ANK2: variants seen among roughly 807,000 people sequenced by gnomAD.
ANK2 encodes the protein ankyrin-2.
ANK2 carries 83 observed loss-of-function variants against 360.5 expected under a neutral mutation model. That is an observed-to-expected ratio of 0.23 (90% CI 0.19 to 0.28). The LOEUF (loss-of-function observed/expected upper bound fraction) is 0.28, where lower values mean the gene tolerates loss of function less well. Ranked by LOEUF, ANK2 falls within the 10% of genes least tolerant of loss-of-function variation. The pLI is 1.00. For synonymous variants in ANK2, 1,740 were observed against 1,759.5 expected (o/e 0.99, Z 0.28); for missense variants, 4,201 against 4,795.7 (o/e 0.88, Z 3.66).
intron 1 of ANK2, among the ~76,000 whole-genome samples, chr4:113,104,496 C>CT (rs2093368003): frequency 6.6e-6 from 1 of 152,114 alleles, no homozygotes; most frequent in South Asian, 2.1e-4. Context: ...GGCAGATCAC[C>CT]TGAGATCAGG....
At chr4:112,890,824 C>A (rs960102298) in intron 1 of ANK2, among the ~76,000 whole-genome samples, 1 of 152,066 alleles carries the variant, frequency 6.6e-6, no homozygotes, top group Non-Finnish European at 1.5e-5. Context: ...GCCTCAGCCT[C>A]CCAAAATGCT....
intron 22 of ANK2, among the ~76,000 whole-genome samples, chr4:113,296,851 TC>T (rs1327362440): frequency 3.9e-5 from 6 of 152,302 alleles, no homozygotes; most frequent in African/African-American, 1.4e-4. Flanking sequence ...CGCTAATTGA[TC>T]AACCATCATC....
chr4:112,879,361 C>T (rs2076100639), intron 1 of ANK2, among the ~76,000 whole-genome samples: 1 of 152,168 alleles, frequency 6.6e-6, no homozygotes, highest in Admixed American at 6.5e-5. Context: ...ATGACCTGCA[C>T]ACAGCTCTAT....
At chr4:112,711,776 T>TG in the ANK2 span, among the ~76,000 whole-genome samples, 4 of 151,376 alleles carry the variant, frequency 2.6e-5, no homozygotes, top group Admixed American at 2.6e-4. Flanking sequence ...GCCGAGATCA[T>TG]GCCATTGCAC....
rs150536846 is a variant in ANK2 at position 113,156,371 on chromosome 4, C to CTTTTTTTTTTTTTTTTT, written c.85-18035_85-18034insTTTTTTTTTTTTTTTTT. ...CGTATAGAGTATATGTAGAAAAATT[C>CTTTTTTTTTTTTTTTTT]TTTTTTTTTTGTTTTTGAGACAGAG... On this transcript the variant is annotated intron_variant, in intron 1 of 45. Transcript: ENST00000357077. Among the ~76,000 whole-genome samples the CTTTTTTTTTTTTTTTTT allele has an allele frequency of 4.8e-3, 611 of 128,234 alleles. 48 individuals carry two copies. Among genetic ancestry groups the CTTTTTTTTTTTTTTTTT allele is most frequent in the East Asian group, 6.4e-3 (29 of 4,544 alleles). The allele number at this position is 128,234 out of a possible 152,430, so 84.1% of individuals were successfully genotyped here.
intron 45 of ANK2, chr4:113,375,057 T>G: frequency 2.2e-6 from 1 of 456,864 alleles, no homozygotes; most frequent in Non-Finnish European, 2.9e-6. Flanking sequence ...CATGGAAAGG[T>G]GCAGAATAAT....
At chr4:113,309,494 GT>G (rs1055884739) in intron 23 of ANK2, among the ~76,000 whole-genome samples, 3 of 152,072 alleles carry the variant, frequency 2.0e-5, no homozygotes, top group Non-Finnish European at 4.4e-5. Flanking sequence ...ATCAGAGGTG[GT>G]TTTTTTGTTT....
the ANK2 span, among the ~76,000 whole-genome samples, chr4:112,789,936 A>G: frequency 6.6e-6 from 1 of 152,222 alleles, no homozygotes; most frequent in South Asian, 2.1e-4. Context: ...AAAAACATAC[A>G]CACCAGAAAA....
chr4:113,317,898 T>TC, intron 25 of ANK2, 89 bp downstream of exon 25: 3 of 1,090,766 alleles, frequency 2.8e-6, no homozygotes, highest in Non-Finnish European at 2.8e-6. Context: ...AAGTTTTTAA[T>TC]CCCCCCAAAA....
At chr4:112,742,253 C>T in the ANK2 span, among the ~76,000 whole-genome samples, 3 of 152,156 alleles carry the variant, frequency 2.0e-5, no homozygotes, top group East Asian at 5.8e-4. Context: ...GGCGACAGAG[C>T]GAGACTCTGT....
chr4:113,032,729 A>G (rs1240165255), intron 2 of ANK2, among the ~76,000 whole-genome samples: 2 of 152,056 alleles, frequency 1.3e-5, no homozygotes, highest in Non-Finnish European at 2.9e-5. Flanking sequence ...AATGCGTTGT[A>G]TTTTTAAATA....
intron 1 of ANK2, among the ~76,000 whole-genome samples, chr4:112,879,401 C>T (rs551612807): frequency 6.6e-6 from 1 of 152,254 alleles, no homozygotes; most frequent in South Asian, 2.1e-4. Flanking sequence ...GGAACTGAGG[C>T]TTCTAGAAAA....
Position 113,356,603 on chromosome 4 carries a change from C to T in ANK2, c.7985C>T (p.Ser2662Phe), listed in dbSNP as rs1564029811. 4 of 1,614,044 alleles carry T rather than the reference C, an allele frequency of 2.5e-6. No individual in the cohort carries two copies. Among genetic ancestry groups the T allele is most frequent in the Non-Finnish European group, 3.4e-6 (4 of 1,179,972 alleles). Residue 2662 changes from serine (S) to phenylalanine (F), a missense_variant, in exon 38 of 46, where the codon TCC becomes TTC. Ser to Phe is a radical substitution (Grantham distance 155). This residue lies in a region of ANK2 where 2,642 missense variants were observed against 2,714.5 expected (regional missense o/e 0.97). Coordinates refer to ENST00000357077, the MANE Select transcript of ANK2 (RefSeq NM_001148.6). ...ACTTCGGAGAGCAGGAAGGTGTCTT[C>T]CTCCTCAGAAAGTGAACCTGAGTTG... ...LVTSESRKVS[S>F]SSESEPELAQ... is the part of the protein sequence containing the mutation.
chr4:112,841,100 C>T (rs1048644020), intron 1 of ANK2, among the ~76,000 whole-genome samples: 2 of 152,182 alleles, frequency 1.3e-5, no homozygotes, highest in African/African-American at 4.8e-5. Context: ...TTACACCCTT[C>T]CCTTTGCTGT....
chr4:113,312,951 A>G (rs1348643824), intron 24 of ANK2, among the ~76,000 whole-genome samples: 3 of 152,186 alleles, frequency 2.0e-5, no homozygotes, highest in African/African-American at 7.2e-5. Context: ...CCTTGGTGAT[A>G]GTCATGGAGA....
chr4:113,062,090 A>G (rs2073745174), intron 1 of ANK2, among the ~76,000 whole-genome samples: 1 of 152,128 alleles, frequency 6.6e-6, no homozygotes, highest in South Asian at 2.1e-4. Context: ...TCATTCTAAA[A>G]ACCTAAGGCC....
intron 2 of ANK2, among the ~76,000 whole-genome samples, chr4:112,956,910 G>A (rs2095355430): frequency 1.3e-5 from 2 of 151,948 alleles, no homozygotes; most frequent in Admixed American, 6.6e-5. Flanking sequence ...TAAGGTTAGG[G>A]AGGTAGGCAC....
At chr4:112,952,717 A>T (rs1374691296) in intron 2 of ANK2, among the ~76,000 whole-genome samples, 1 of 152,188 alleles carries the variant, frequency 6.6e-6, no homozygotes, top group African/African-American at 2.4e-5. Flanking sequence ...GAGCAAAATT[A>T]TTATCATACA....
At chr4:112,797,660 A>G in the ANK2 span, 1 of 169,016 alleles carries the variant, frequency 5.9e-6, no homozygotes, top group Non-Finnish European at 1.3e-5. Context: ...AGGTTCGTTA[A>G]CATCAAACGA....
Sources: gnomAD v4.1 joint callset for allele counts (sites outside exome capture counted in the v4.1 genomes callset) on GRCh38, gnomAD v4.1.1 for gene constraint, gnomAD v4.1.1 regional missense constraint, MANE v1.5 for transcripts, NCBI Gene and HGNC (gene_info 2026-07-23, HGNC 2026-07-21) for gene names.